The following KCNK4 variants were observed in gnomAD, a reference collection of about 807,000 sequenced individuals.
KCNK4 encodes the protein potassium channel subfamily K member 4.
KCNK4 carries 22 observed loss-of-function variants against 28.8 expected under a neutral mutation model. That is an observed-to-expected ratio of 0.76 (90% CI 0.55 to 1.09). The LOEUF is 1.09. Ranked by LOEUF, KCNK4 falls within the 50% of genes least tolerant of loss-of-function variation. KCNK4 has a pLI of 0.00. For missense variants in KCNK4, 483 were observed against 546.3 expected (o/e 0.88, Z 1.15); for synonymous variants, 263 against 252.9 (o/e 1.04, Z -0.38).
In KCNK4 at chr11:64,297,498, T is replaced by G. The variant is rs762190214; in HGVS notation, c.506T>G (p.Val169Gly). 89 of 1,613,916 alleles carry G rather than the reference T, an allele frequency of 5.5e-5. No homozygotes were observed. Among genetic ancestry groups the G allele is most frequent in the Non-Finnish European group, 7.5e-5 (88 of 1,180,014 alleles). ...CACGTGCCACCGGAGCTAGTAAGAG[T>G]GCTGTCGGCGATGCTTTTCCTGCTG... ...KWHVPPELVR[V>G]LSAMLFLLIG... The change falls in exon 5 of 7, where the codon GTG becomes GGG. Residue 169 changes from valine (V) to glycine (G), a missense_variant. Transcript: ENST00000422670.
rs1261210466 is a variant in KCNK4 at position 64,293,138 on chromosome 11, G to A, written c.120G>A (p.Gly40=). Residue 40 remains glycine (G), a synonymous_variant, in exon 2 of 7, where the codon GGG becomes GGA. Transcript: ENST00000422670. ...AGCAGCAGGCCCAGAGGGAGCTGGG[G>A]GAGGTCCGAGAGAAGTTCCTGAGGG... ...PHEQQAQREL[G]EVREKFLRAH... is the part of the protein sequence containing the mutation. 6.5e-7 allele frequency: 1 copy of A among 1,540,314 alleles called. No homozygotes were observed. Among genetic ancestry groups the A allele is most frequent in the Admixed American group, 2.0e-5 (1 of 49,292 alleles).
At position 64,293,175 on chromosome 11, in the gene KCNK4, G is replaced by A; in HGVS notation, c.157G>A (p.Val53Met). 1 of 1,496,318 alleles carries A rather than the reference G, an allele frequency of 6.7e-7. No homozygotes were observed. The highest frequency in any genetic ancestry group is 8.9e-7 in the Non-Finnish European group (1 of 1,117,512). The allele number at this position is 1,496,318 out of a possible 1,614,324, so 92.7% of individuals were successfully genotyped here. The change falls in exon 2 of 7, where the codon GTG (valine) becomes ATG (methionine). Residue 53 changes from valine to methionine, a missense_variant. Transcript: ENST00000422670. The part of the protein sequence containing the change: ...REKFLRAHPC[V>M]SDQELGLLIK... ...GAAGTTCCTGAGGGCCCATCCGTGT[G>A]TGAGCGACCAGGAGCTGGGCCTCCT...
At position 64,293,012 on chromosome 11, in the gene KCNK4, G is replaced by C; in HGVS notation, c.-7G>C. On this transcript the variant is annotated 5_prime_UTR_variant, in exon 2 of 7. Transcript: ENST00000422670. ...GCAGTGGAGCTGGCCCGGCGCCTGGGCGCGCCATGCGCAGCACCACGCTCC... is the reference window on the plus strand; with the variant it reads ...GCAGTGGAGCTGGCCCGGCGCCTGGCCGCGCCATGCGCAGCACCACGCTCC... The C allele has an allele frequency of 6.5e-7, 1 of 1,539,810 alleles. No individual in the cohort carries two copies. Among genetic ancestry groups the C allele is most frequent in the Non-Finnish European group, 8.7e-7 (1 of 1,143,152 alleles).
At position 64,297,596 on chromosome 11, in the gene KCNK4, G is replaced by C. The variant is rs1482378553; in HGVS notation, c.604G>C (p.Ala202Pro). The change falls in exon 5 of 7, where the codon GCC (alanine) becomes CCC (proline). Residue 202 changes from alanine to proline, a missense_variant. By Grantham distance (27) the Ala-to-Pro change is conservative. Coordinates refer to ENST00000422670, the MANE Select transcript of KCNK4 (RefSeq NM_033310.3). ...TATGGAGGACTGGAGCAAGCTGGAG[G>C]CCATCTACTTTGTCATAGTGACGCT... ...CYMEDWSKLE[A>P]IYFVIVTLTT... is the part of the protein sequence containing the mutation. The C allele has an allele frequency of 6.2e-7, 1 of 1,614,126 alleles. No individual in the cohort carries two copies. Among genetic ancestry groups the C allele is most frequent in the Non-Finnish European group, 8.5e-7 (1 of 1,179,982 alleles).
chr11:64,292,788 G>C, intron 1 of KCNK4, 154 bp from the exon 2 acceptor site: 5 of 758,190 alleles, frequency 6.6e-6, no homozygotes, highest in Non-Finnish European at 9.1e-6. Flanking sequence ...GAAGGCTGGA[G>C]ATAGGAGGGG....
chr11:64,297,542 G>C lies in KCNK4; in HGVS notation c.550G>C (p.Val184Leu). 7 of 1,614,156 alleles carry C rather than the reference G, an allele frequency of 4.3e-6. No individual in the cohort carries two copies. The highest frequency in any genetic ancestry group is 5.1e-6 in the Non-Finnish European group (6 of 1,180,028). ...LFLLIGCLLFVLTPTFVFCYM... is the reference protein window; with the variant it reads ...LFLLIGCLLFLLTPTFVFCYM... ...CCTGCTGATCGGCTGCCTGCTCTTTGTCCTCACGCCCACGTTCGTGTTCTG... is the reference window on the plus strand; with the variant it reads ...CCTGCTGATCGGCTGCCTGCTCTTTCTCCTCACGCCCACGTTCGTGTTCTG... The change falls in exon 5 of 7, where the codon GTC (valine) becomes CTC (leucine). Residue 184 changes from valine to leucine, a missense_variant. By Grantham distance (32) the Val-to-Leu change is conservative (BLOSUM62 1). Coordinates refer to ENST00000422670, the MANE Select transcript of KCNK4 (RefSeq NM_033310.3).
chr11:64,299,736 C>G lies in KCNK4; in HGVS notation c.*10C>G. The G allele has an allele frequency of 6.5e-7, 1 of 1,548,964 alleles. No individual in the cohort carries two copies. Among genetic ancestry groups the G allele is most frequent in the Non-Finnish European group, 8.7e-7 (1 of 1,151,764 alleles). ...AGGCGTGCCGGTGTAGGGGCAGGATCCCTGGCCGGGCCTCTCAAGGGCTTC... is the reference window on the plus strand; with the variant it reads ...AGGCGTGCCGGTGTAGGGGCAGGATGCCTGGCCGGGCCTCTCAAGGGCTTC... On this transcript the variant is annotated 3_prime_UTR_variant, in exon 7 of 7. Transcript: ENST00000422670.
Position 64,299,823 on chromosome 11 carries a change from G to C in KCNK4, c.*97G>C. 1 of 1,535,328 alleles carries C rather than the reference G, an allele frequency of 6.5e-7. No individual in the cohort carries two copies. Among genetic ancestry groups the C allele is most frequent in the Non-Finnish European group, 8.7e-7 (1 of 1,146,564 alleles). On this transcript the variant is annotated 3_prime_UTR_variant, in exon 7 of 7. Coordinates refer to ENST00000422670, the MANE Select transcript of KCNK4 (RefSeq NM_033310.3). ...CAAAGAGCCCTCTTTCCACGAGACTGAAGTCTGGGGAGGAGGCTACAGTTG... is the reference window on the plus strand; with the variant it reads ...CAAAGAGCCCTCTTTCCACGAGACTCAAGTCTGGGGAGGAGGCTACAGTTG...
chr11:64,293,163 G>A lies in KCNK4; in HGVS notation c.145G>A (p.Ala49Thr), dbSNP rs2034682085. ...LGEVREKFLR[A>T]HPCVSDQELG... is the part of the protein sequence containing the mutation. ...GGAGGTCCGAGAGAAGTTCCTGAGG[G>A]CCCATCCGTGTGTGAGCGACCAGGA... Residue 49 changes from alanine to threonine, a missense_variant, in exon 2 of 7, where the codon GCC (alanine) becomes ACC (threonine). Physicochemically the swap from Ala to Thr is moderately conservative, Grantham distance 58. Transcript: ENST00000422670. 2 of 1,523,502 alleles carry A rather than the reference G, an allele frequency of 1.3e-6. No individual in the cohort carries two copies. Among genetic ancestry groups the A allele is most frequent in the Non-Finnish European group, 1.8e-6 (2 of 1,132,050 alleles). 94.4% of individuals were successfully genotyped at this position (1,523,502 alleles called of 1,614,324 possible). A position where few individuals can be genotyped will look rare whatever the true frequency, so the allele number is the denominator to read the frequency against.
rs746539284 is a variant in KCNK4, at chr11:64,299,665, C to G, written c.1121C>G (p.Pro374Arg). 3 of 1,607,274 alleles carry G rather than the reference C, an allele frequency of 1.9e-6. No individual in the cohort carries two copies. In the Admixed American group the frequency reaches 5.0e-5, roughly 27 times the overall value. ...APRGRRRPNPPRKPVRPRGPG... is the reference protein window; with the variant it reads ...APRGRRRPNPRRKPVRPRGPG... ...AGAGGTCGCCGCCGCCCAAATCCCC[C>G]CAGGAAGCCCGTGCGGCCCCGCGGC... Residue 374 changes from proline (P) to arginine (R), a missense_variant, in exon 7 of 7, where the codon CCC (proline) becomes CGC (arginine). Transcript: ENST00000422670.
intron 2 of KCNK4, 54 bp downstream of exon 2, chr11:64,293,261 GCTGTGTGCCAGTGAGGCC>G (rs1341967304): frequency 7.2e-7 from 1 of 1,391,986 alleles, no homozygotes; most frequent in Non-Finnish European, 9.4e-7. Flanking sequence ...CCTGGCGCTA[GCTGTGTGCCAGTGAGGCC>G]CTGTGCCAGT....
At chr11:64,293,949 G>A (rs552645072) in intron 2 of KCNK4, among the ~76,000 whole-genome samples, 1 of 152,156 alleles carries the variant, frequency 6.6e-6, no homozygotes, top group Admixed American at 6.5e-5. Flanking sequence ...ATTTTTGTTT[G>A]CTAAATCTGG....
intron 1 of KCNK4, chr11:64,292,040 G>T: frequency 8.7e-7 from 1 of 1,147,938 alleles, no homozygotes; most frequent in Non-Finnish European, 1.1e-6. Context: ...ACGTGTGCGT[G>T]GGCTCTGGGT....
rs1420541651 is a variant in KCNK4, at chr11:64,297,216, G to GGT, written c.412_413dup (p.Gly139SerfsTer21). 1 of 1,614,124 alleles carries GGT rather than the reference G, an allele frequency of 6.2e-7. No individual in the cohort carries two copies. The highest frequency in any genetic ancestry group is 1.1e-5 in the South Asian group (1 of 91,086). ...CGCTGTTTGGGATCCTACTGGCAGG[G>GGT]GTCGGGGACCGGCTGGGCTCCTCCC... On this transcript the variant is annotated frameshift_variant, in exon 4 of 7. Coordinates refer to ENST00000422670, the MANE Select transcript of KCNK4 (RefSeq NM_033310.3). LOFTEE classifies it high-confidence loss of function.
chr11:64,298,085 T>C, intron 5 of KCNK4, 25 bp from the exon 6 acceptor site: 2 of 1,610,556 alleles, frequency 1.2e-6, no homozygotes, highest in Middle Eastern at 1.7e-4. Flanking sequence ...TCCAATTCTT[T>C]CTACCTTCCC....
intron 1 of KCNK4, chr11:64,292,730 C>A (rs2135224823): frequency 2.8e-6 from 1 of 362,654 alleles, no homozygotes; most frequent in Non-Finnish European, 4.6e-6. Context: ...TCTTTCCTCA[C>A]CCGGTAGTCC....
intron 2 of KCNK4, among the ~76,000 whole-genome samples, chr11:64,294,109 C>G (rs1477463097): frequency 5.3e-5 from 8 of 152,216 alleles, no homozygotes. Context: ...TCCATGCCAC[C>G]AGGAATGCCA....
intron 4 of KCNK4, 43 bp downstream of exon 4, chr11:64,297,322 G>C: frequency 6.3e-7 from 1 of 1,587,758 alleles, no homozygotes; most frequent in Non-Finnish European, 8.6e-7. Flanking sequence ...CTGGGCTCCG[G>C]CTACCCTTCC....
In KCNK4 at chr11:64,298,114, G is replaced by A. The variant is rs777780537; in HGVS notation, c.666G>A (p.Ala222=). The change falls in exon 6 of 7, where the codon GCG becomes GCA. Residue 222 remains alanine, a synonymous_variant. Transcript: ENST00000422670. ...CCTTCCCTGGTGGTATCCCAGGCGC[G>A]GACCCCAGGCAGGACTCCCCGGCCT... is the stretch of plus-strand genomic sequence containing the variant. ...TVGFGDYVAG[A]DPRQDSPAYQ... The A allele has an allele frequency of 9.9e-6, 16 of 1,613,266 alleles. No homozygotes were observed. Among genetic ancestry groups the A allele is most frequent in the Admixed American group, 3.3e-5 (2 of 59,948 alleles).
Sources: gnomAD v4.1 joint callset for allele counts (sites outside exome capture counted in the v4.1 genomes callset) on GRCh38, gnomAD v4.1.1 for gene constraint, MANE v1.5 for transcripts, NCBI Gene and HGNC (gene_info 2026-07-23, HGNC 2026-07-21) for gene names.